The following MESD variants were observed in gnomAD, a reference collection of about 807,000 sequenced individuals.
MESD encodes LRP chaperone MESD.
In MESD, 7 loss-of-function variants were observed where a neutral mutation model predicts 12.9. That is an observed-to-expected ratio of 0.54 (90% CI 0.31 to 1.02). The LOEUF (loss-of-function observed/expected upper bound fraction) is 1.02. MESD is among the 50% of genes least tolerant of loss of function. The probability of loss-of-function intolerance (pLI) is 0.05; values close to 1 mark genes in which losing one functional copy is unlikely to be tolerated. For synonymous variants in MESD, 126 were observed against 115.6 expected (o/e 1.09, Z -0.58); for missense variants, 342 against 296.7 (o/e 1.15, Z -1.12).
At chr15:80,950,507 A>T (rs547878496) in intron 4 of MESD, 1 of 152,380 alleles carries the variant, frequency 6.6e-6, no homozygotes, top group African/African-American at 2.4e-5. Flanking sequence ...TGTGGCCTTC[A>T]CTTTGTTCAC....
At chr15:80,989,436 G>T in intron 1 of MESD, 143 bp downstream of exon 1, 1 of 986,470 alleles carries the variant, frequency 1.0e-6, no homozygotes, top group Non-Finnish European at 1.5e-6. Context: ...GTCAACAGTG[G>T]CTTCAGTGGG....
At position 80,979,412 on chromosome 15, in the gene MESD, T is replaced by C; in HGVS notation, c.512A>G (p.Lys171Arg). 1 of 1,614,220 alleles carries C rather than the reference T, an allele frequency of 6.2e-7. No homozygotes were observed. Among genetic ancestry groups the C allele is most frequent in the East Asian group, 2.2e-5 (1 of 44,884 alleles). The stretch of plus-strand genomic sequence containing the variant: ...CCTGTCTTGACCGACCAAAAAGTCC[T>C]TGATCTCCCAGGCGTAGCTCCCATC... ...LRDGSYAWEI[K>R]DFLVGQDRCA... Residue 171 changes from lysine (K) to arginine (R), a missense_variant, in exon 3 of 3, where the codon AAG becomes AGG. Transcript: ENST00000261758.
In MESD at chr15:80,989,585, T is replaced by C. The variant is rs1334062939; in HGVS notation, c.207A>G (p.Gln69=). 13 of 1,613,012 alleles carry C rather than the reference T, an allele frequency of 8.1e-6. No individual in the cohort carries two copies. The highest frequency in any genetic ancestry group is 1.1e-5 in the Non-Finnish European group (13 of 1,179,378). The change falls in exon 1 of 3, where the codon CAA becomes CAG. Residue 69 remains glutamine (Q), a synonymous_variant. Transcript: ENST00000261758. ...NDADMARLLE[Q]WEKDDDIEEG... Reference sequence around the variant, plus strand: ...GTGTGCGCGCGCCGCGGACCTCCCATTGCTCCAGAAGACGCGCCATGTCTG... The same window carrying C: ...GTGTGCGCGCGCCGCGGACCTCCCACTGCTCCAGAAGACGCGCCATGTCTG...
chr15:80,969,370 C>T (rs1902239052), intron 3 of MESD, among the ~76,000 whole-genome samples: 1 of 152,086 alleles, frequency 6.6e-6, no homozygotes, highest in African/African-American at 2.4e-5. Context: ...CCTTGCCTGC[C>T]TTGCTATCTT....
Position 80,989,650 on chromosome 15 carries a change from G to C in MESD, c.142C>G (p.Pro48Ala), listed in dbSNP as rs768816243. The change falls in exon 1 of 3, where the codon CCC becomes GCC. Residue 48 changes from proline (P) to alanine (A), a missense_variant. Physicochemically the swap from Pro to Ala is conservative, Grantham distance 27. Transcript: ENST00000261758. ...PGTPDESTPP[P>A]RKKKKDIRDY... ...CGAATATCCTTCTTCTTCTTCCGGG[G>C]AGGTGGGGTAGACTCGTCGGGCGTC... is the stretch of plus-strand genomic sequence containing the variant. 1 of 1,613,960 alleles carries C rather than the reference G, an allele frequency of 6.2e-7. No homozygotes were observed. Among genetic ancestry groups the C allele is most frequent in the East Asian group, 2.2e-5 (1 of 44,868 alleles).
intron 2 of MESD, among the ~76,000 whole-genome samples, chr15:80,980,157 C>G (rs1044093649): frequency 2.6e-5 from 4 of 152,208 alleles, no homozygotes; most frequent in Non-Finnish European, 1.5e-5. Context: ...CCCACCACTC[C>G]ACAGAGACCA....
intron 1 of MESD, among the ~76,000 whole-genome samples, chr15:80,985,314 G>A (rs1902699278): frequency 1.3e-5 from 2 of 152,092 alleles, no homozygotes; most frequent in African/African-American, 4.8e-5. Flanking sequence ...TCCCTCCTAA[G>A]GTTTGTTTGG....
chr15:80,965,310 C>T (rs964306665), intron 3 of MESD, among the ~76,000 whole-genome samples: 1 of 152,160 alleles, frequency 6.6e-6, no homozygotes, highest in South Asian at 2.1e-4. Context: ...ACAACAGATA[C>T]TGGAGAGGAT....
intron 3 of MESD, among the ~76,000 whole-genome samples, chr15:80,955,873 C>A (rs1055813563): frequency 6.6e-6 from 1 of 152,028 alleles, no homozygotes; most frequent in Non-Finnish European, 1.5e-5. Flanking sequence ...CCACCCACCT[C>A]GGCCTCCCAA....
chr15:80,953,003 A>G (rs1901879484), intron 3 of MESD: 1 of 455,862 alleles, frequency 2.2e-6, no homozygotes, highest in Non-Finnish European at 4.4e-6. Flanking sequence ...TTGGTCAGGG[A>G]AGGTCAGTGA....
At chr15:80,956,324 A>C (rs180989787) in intron 3 of MESD, among the ~76,000 whole-genome samples, 7,524 of 152,284 alleles carry the variant, frequency 0.049, 228 homozygotes, top group Middle Eastern at 0.18. Flanking sequence ...TAAGAATCGG[A>C]AGGCGTCCAA....
chr15:80,968,554 T>C (rs189969323), intron 3 of MESD, among the ~76,000 whole-genome samples: 2 of 152,210 alleles, frequency 1.3e-5, no homozygotes, highest in African/African-American at 4.8e-5. Context: ...GGCTCACACC[T>C]GTACTCCTTT....
intron 1 of MESD, 147 bp downstream of exon 1, chr15:80,989,432 A>AGTGG (rs1052334935): frequency 2.1e-6 from 2 of 949,196 alleles, no homozygotes; most frequent in African/African-American, 3.3e-5. Context: ...GAGGGTCAAC[A>AGTGG]GTGGCTTCAG....
chr15:80,980,654 C>A (rs1186100964), intron 2 of MESD, among the ~76,000 whole-genome samples: 1 of 152,164 alleles, frequency 6.6e-6, no homozygotes, highest in Admixed American at 6.5e-5. Context: ...AAAAAACACA[C>A]ACTAGGCATG....
intron 2 of MESD, among the ~76,000 whole-genome samples, chr15:80,981,110 C>G (rs967105836): frequency 6.6e-6 from 1 of 151,474 alleles, no homozygotes; most frequent in African/African-American, 2.4e-5. Context: ...AGAAGTGAGT[C>G]ACTGCACCCG....
At chr15:80,953,895 C>G (rs1901908330) in intron 3 of MESD, among the ~76,000 whole-genome samples, 1 of 152,146 alleles carries the variant, frequency 6.6e-6, no homozygotes. Context: ...TGTTCCCATA[C>G]CCACAGGCAC....
At chr15:80,951,431 G>GACTT (rs1366395949) in intron 4 of MESD, 1 of 152,576 alleles carries the variant, frequency 6.6e-6, no homozygotes, top group Non-Finnish European at 1.5e-5. Flanking sequence ...CTGTTTGTAA[G>GACTT]ACTTAAGTGA....
chr15:80,982,285 T>C (rs1567126391), intron 1 of MESD, 103 bp from the exon 2 acceptor site: 1 of 851,532 alleles, frequency 1.2e-6, no homozygotes, highest in Non-Finnish European at 1.9e-6. Flanking sequence ...GTATATGACT[T>C]AAATTACAAC....
At chr15:80,972,725 TA>T (rs1342649653), downstream of MESD, among the ~76,000 whole-genome samples, 1 of 152,182 alleles carries the variant, frequency 6.6e-6, no homozygotes, top group Admixed American at 6.5e-5. Flanking sequence ...GGCAGCAATA[TA>T]AAAACTTCAT....
Sources: gnomAD v4.1 joint callset for allele counts (sites outside exome capture counted in the v4.1 genomes callset) on GRCh38, gnomAD v4.1.1 for gene constraint, MANE v1.5 for transcripts, NCBI Gene and HGNC (gene_info 2026-07-23, HGNC 2026-07-21) for gene names.